Variants in PRKCH observed in about 807,000 individuals in gnomAD.
PRKCH encodes protein kinase C eta, also known as protein kinase C eta type.
PRKCH carries 28 observed loss-of-function variants against 82.5 expected under a neutral mutation model. The observed-to-expected ratio is 0.34, with a 90% confidence interval of 0.25 to 0.47. PRKCH has a LOEUF of 0.47. Among genes scored for constraint, PRKCH ranks in the 20% least tolerant of loss-of-function variants. The pLI, the probability that PRKCH is intolerant of heterozygous loss-of-function variation, is 1.00. For synonymous variants in PRKCH, 322 were observed against 327.4 expected (o/e 0.98, Z 0.18); for missense variants, 705 against 881.8 (o/e 0.80, Z 2.54).
At position 61,326,092 on chromosome 14, in the gene PRKCH, T is replaced by C. The variant is rs533011169; in HGVS notation, c.363+3628T>C. On this transcript the variant is annotated intron_variant, in intron 1 of 13. Transcript: ENST00000332981. ...AACATATGCCTACTATATAACTTAC[T>C]GTTTAGTATTTACTAAAAGAAATGA... Among the ~76,000 whole-genome samples, 71 of 152,356 alleles carry C rather than the reference T, an allele frequency of 4.7e-4. 1 individual carries two copies. In the South Asian group the frequency reaches 8.7e-3, roughly 19 times the overall value.
intron 9 of PRKCH, among the ~76,000 whole-genome samples, chr14:61,477,808 C>T (rs912855827): frequency 1.3e-5 from 2 of 152,224 alleles, no homozygotes; most frequent in African/African-American, 4.8e-5. Flanking sequence ...CCCTGTGTCC[C>T]AACAGCTGGG....
At chr14:61,531,227 G>A (rs139132992) in intron 12 of PRKCH, among the ~76,000 whole-genome samples, 163 of 152,264 alleles carry the variant, frequency 1.1e-3, no homozygotes, top group African/African-American at 3.1e-3. Context: ...TGTACTGGAC[G>A]CCTTTATGTT....
intron 2 of PRKCH, among the ~76,000 whole-genome samples, chr14:61,406,107 T>A (rs1254773868): frequency 6.6e-6 from 1 of 152,150 alleles, no homozygotes; most frequent in Non-Finnish European, 1.5e-5. Context: ...GGTTGGCCAA[T>A]TTGGATATCC....
At chr14:61,522,423 CTGCTCTCTCCTGTCTCCA>C (rs755470035) in intron 10 of PRKCH, among the ~76,000 whole-genome samples, 4 of 152,282 alleles carry the variant, frequency 2.6e-5, no homozygotes, top group Non-Finnish European at 5.9e-5. Flanking sequence ...CATCTGGTCC[CTGCTCTCTCCTGTCTCCA>C]TGCTCTCTTC....
At chr14:61,412,005 G>A (rs1257428608) in intron 2 of PRKCH, among the ~76,000 whole-genome samples, 1 of 152,202 alleles carries the variant, frequency 6.6e-6, no homozygotes, top group Non-Finnish European at 1.5e-5. Flanking sequence ...TAACCCAACT[G>A]AGCATGGCTT....
chr14:61,456,137 T>A (rs1190347822), intron 7 of PRKCH, among the ~76,000 whole-genome samples: 1 of 152,226 alleles, frequency 6.6e-6, no homozygotes, highest in African/African-American at 2.4e-5. Context: ...TTTACATGCA[T>A]TTGTTCATTT....
At chr14:61,383,399 G>A (rs1433988715) in intron 1 of PRKCH, among the ~76,000 whole-genome samples, 2 of 152,072 alleles carry the variant, frequency 1.3e-5, no homozygotes, top group African/African-American at 4.8e-5. Context: ...AGATCCTGCT[G>A]GAATGGAGGT....
chr14:61,345,580 G>A (rs1265111398), intron 1 of PRKCH, among the ~76,000 whole-genome samples: 1 of 152,230 alleles, frequency 6.6e-6, no homozygotes, highest in African/African-American at 2.4e-5. Flanking sequence ...AGAGTAGCAA[G>A]TGGGATAATA....
Position 61,530,562 on chromosome 14 carries a change from G to C in PRKCH, c.1728G>C (p.Trp576Cys). ...ATGATGAGGTGGTCTACCCTACCTG[G>C]CTCCATGAAGATGCCACAGGGATCC... ...ILNDEVVYPTWLHEDATGILK... is the reference protein window; with the variant it reads ...ILNDEVVYPTCLHEDATGILK... Residue 576 changes from tryptophan to cysteine, a missense_variant, in exon 12 of 14, where the codon TGG becomes TGC. Transcript: ENST00000332981. The C allele has an allele frequency of 6.2e-7, 1 of 1,605,184 alleles. No individual in the cohort carries two copies. The highest frequency in any genetic ancestry group is 1.3e-5 in the African/African-American group (1 of 74,966).
At chr14:61,430,856 G>C (rs1027432182) in intron 2 of PRKCH, among the ~76,000 whole-genome samples, 1 of 151,864 alleles carries the variant, frequency 6.6e-6, no homozygotes, top group Non-Finnish European at 1.5e-5. Flanking sequence ...CCGGGTTCAA[G>C]CGATTCTCCT....
At chr14:61,312,557 A>AT (rs2045533250) in intron 1 of PRKCH, among the ~76,000 whole-genome samples, 1 of 152,126 alleles carries the variant, frequency 6.6e-6, no homozygotes, top group Non-Finnish European at 1.5e-5. Context: ...AGAATGGGTA[A>AT]TTTTTTTTAA....
chr14:61,432,861 A>G (rs1243723368), intron 2 of PRKCH, among the ~76,000 whole-genome samples: 1 of 149,868 alleles, frequency 6.7e-6, no homozygotes, highest in Non-Finnish European at 1.5e-5. Flanking sequence ...GGCGTGAGCC[A>G]CCGTGATCCC....
intron 1 of PRKCH, among the ~76,000 whole-genome samples, chr14:61,223,766 G>C (rs1485363934): frequency 2.0e-5 from 3 of 152,148 alleles, no homozygotes; most frequent in African/African-American, 7.2e-5. Context: ...CCCTCAGGAG[G>C]CCCCTCAGAG....
intron 1 of PRKCH, among the ~76,000 whole-genome samples, chr14:61,329,921 G>A (rs748888793): frequency 3.3e-5 from 5 of 152,130 alleles, no homozygotes; most frequent in African/African-American, 7.2e-5. Flanking sequence ...AGATTCATCC[G>A]CTTGGCTCTT....
intron 12 of PRKCH, among the ~76,000 whole-genome samples, chr14:61,538,187 G>A (rs2043137472): frequency 6.6e-6 from 1 of 152,214 alleles, no homozygotes; most frequent in African/African-American, 2.4e-5. Flanking sequence ...ACTGTTAGGG[G>A]AAATCCAAAG....
intron 9 of PRKCH, among the ~76,000 whole-genome samples, chr14:61,470,523 C>T (rs1017141261): frequency 5.3e-5 from 8 of 152,312 alleles, no homozygotes; most frequent in African/African-American, 1.2e-4. Flanking sequence ...GGCTCAGGCT[C>T]GCCAGCAGAC....
intron 7 of PRKCH, among the ~76,000 whole-genome samples, chr14:61,455,718 T>C (rs1884735112): frequency 6.6e-6 from 1 of 152,216 alleles, no homozygotes; most frequent in Non-Finnish European, 1.5e-5. Context: ...TTGAATCAAG[T>C]ATCCTTAATC....
In PRKCH at chr14:61,441,699, GTTTC is replaced by G. The variant is rs1883981135; in HGVS notation, c.428-1403_428-1400del. Among the ~76,000 whole-genome samples the G allele has an allele frequency of 4.2e-5, 6 of 144,020 alleles. No homozygotes were observed. The South Asian group carries it at 1.3e-3, about 32-fold the overall frequency. The allele number at this position is 144,020 out of a possible 152,430, so 94.5% of individuals were successfully genotyped here. On this transcript the variant is annotated intron_variant, in intron 2 of 13. Coordinates refer to ENST00000332981, the MANE Select transcript of PRKCH (RefSeq NM_006255.5). ...GTGTTACAAGTCCTCTTCTCCCTCA[GTTTC>G]TTTCTTTCAATTTTCTGCTTTGTAT...
chr14:61,447,968 A>G (rs1468797090), intron 4 of PRKCH, among the ~76,000 whole-genome samples: 2 of 152,248 alleles, frequency 1.3e-5, no homozygotes, highest in East Asian at 3.8e-4. Flanking sequence ...TGAAGTTGAA[A>G]ATAGGAAAAC....
Sources: allele counts gnomAD v4.1 joint callset (sites outside exome capture counted in the v4.1 genomes callset), GRCh38; gene constraint gnomAD v4.1.1; transcripts MANE v1.5; gene names NCBI Gene and HGNC (gene_info 2026-07-23, HGNC 2026-07-21).